The following B3GALT1 variants were observed in gnomAD, a reference collection of about 807,000 sequenced individuals.
The protein encoded by B3GALT1 is beta-1,3-galactosyltransferase 1.
In B3GALT1, 10 loss-of-function variants were observed where a neutral mutation model predicts 23.2. That is an observed-to-expected ratio of 0.43 (90% confidence interval 0.27 to 0.73). The LOEUF is 0.73. Ranked by LOEUF, B3GALT1 falls within the 30% of genes least tolerant of loss-of-function variation. The probability of loss-of-function intolerance (pLI) is 0.21; values close to 1 mark genes in which losing one functional copy is unlikely to be tolerated. For synonymous variants in B3GALT1, 156 were observed against 141.5 expected (o/e 1.10, Z -0.73); for missense variants, 299 against 405.4 (o/e 0.74, Z 2.25).
At chr2:167,504,167 C>T (rs1474577536) in intron 2 of B3GALT1, among the ~76,000 whole-genome samples, 1 of 336 alleles carries the variant, frequency 3.0e-3, no homozygotes, top group Non-Finnish European at 6.1e-3. Context: ...AGAAGGTATA[C>T]TTGATCACAT....
chr2:167,297,763 C>T (rs947368728), intron 1 of B3GALT1, among the ~76,000 whole-genome samples: 7 of 151,970 alleles, frequency 4.6e-5, no homozygotes, highest in Admixed American at 2.0e-4. Flanking sequence ...AACCAGTTTG[C>T]GAACAATATT....
At chr2:167,772,203 G>A (rs904150216) in intron 3 of B3GALT1, among the ~76,000 whole-genome samples, 1 of 152,252 alleles carries the variant, frequency 6.6e-6, no homozygotes, top group South Asian at 2.1e-4. Context: ...AGCACAGGCC[G>A]ATTTAATGTC....
At chr2:167,675,057 G>A (rs945194024) in intron 3 of B3GALT1, among the ~76,000 whole-genome samples, 1 of 152,120 alleles carries the variant, frequency 6.6e-6, no homozygotes, top group African/African-American at 2.4e-5. Context: ...CTGTGGTCTG[G>A]ACTTCCCAGA....
At chr2:167,363,663 G>A (rs921252850) in intron 1 of B3GALT1, among the ~76,000 whole-genome samples, 2 of 151,914 alleles carry the variant, frequency 1.3e-5, no homozygotes, top group African/African-American at 4.8e-5. Context: ...TTTCCCACCC[G>A]TACTCTTGAA....
At chr2:167,574,210 G>A (rs1684345833) in intron 2 of B3GALT1, among the ~76,000 whole-genome samples, 1 of 151,618 alleles carries the variant, frequency 6.6e-6, no homozygotes, top group South Asian at 2.1e-4. Flanking sequence ...AAGGGCATTT[G>A]CATTCAAATG....
chr2:167,585,734 T>C (rs1684574715), intron 2 of B3GALT1, among the ~76,000 whole-genome samples: 1 of 152,166 alleles, frequency 6.6e-6, no homozygotes. Context: ...TAAGAACTCA[T>C]TAACACATTC....
At chr2:167,311,167 A>G (rs191640932) in intron 1 of B3GALT1, among the ~76,000 whole-genome samples, 66 of 152,160 alleles carry the variant, frequency 4.3e-4, no homozygotes, top group Admixed American at 9.2e-4. Flanking sequence ...CTGACATGCA[A>G]GTATTGAGAG....
intron 3 of B3GALT1, among the ~76,000 whole-genome samples, chr2:167,703,647 G>A (rs548982610): frequency 3.9e-5 from 6 of 152,248 alleles, no homozygotes; most frequent in South Asian, 2.1e-4. Flanking sequence ...AAGCAGAAAC[G>A]CTTGGTCACT....
intron 1 of B3GALT1, among the ~76,000 whole-genome samples, chr2:167,486,329 A>G: frequency 6.7e-6 from 1 of 149,790 alleles, no homozygotes; most frequent in African/African-American, 2.5e-5. Context: ...ACTGCACTCC[A>G]GCCTTGTGAC....
chr2:167,562,021 C>T (rs577563813), intron 2 of B3GALT1, among the ~76,000 whole-genome samples: 36 of 152,304 alleles, frequency 2.4e-4, no homozygotes, highest in African/African-American at 8.4e-4. Context: ...AATTTTAGAC[C>T]AATATCCTTG....
chr2:167,803,393 T>A (rs1688678991), intron 3 of B3GALT1, among the ~76,000 whole-genome samples: 3 of 152,218 alleles, frequency 2.0e-5, no homozygotes, highest in Non-Finnish European at 4.4e-5. Context: ...TATACATAAA[T>A]TGATCATTAC....
intron 3 of B3GALT1, among the ~76,000 whole-genome samples, chr2:167,793,168 C>T (rs1313188100): frequency 1.3e-5 from 2 of 152,172 alleles, no homozygotes; most frequent in East Asian, 1.9e-4. Flanking sequence ...TCTTTTCACT[C>T]TCCATGCTGC....
intron 2 of B3GALT1, among the ~76,000 whole-genome samples, chr2:167,570,691 A>G (rs1224765239): frequency 6.6e-6 from 1 of 151,854 alleles, no homozygotes; most frequent in Admixed American, 6.6e-5. Context: ...CATGTCCTTT[A>G]GTTTTTTTCT....
At chr2:167,715,892 A>G (rs1687134627) in intron 3 of B3GALT1, 1 of 1,613,726 alleles carries the variant, frequency 6.2e-7, no homozygotes, top group Admixed American at 1.7e-5. Context: ...TTCTCCACAA[A>G]AAAAGGAGAA....
Position 167,338,001 on chromosome 2 carries a change from T to C in B3GALT1, c.-511+44667T>C, listed in dbSNP as rs542635754. 9.9e-5 allele frequency among the ~76,000 whole-genome samples: 15 copies of C among 152,204 alleles called. No individual in the cohort carries two copies. The South Asian group carries it at 3.1e-3, about 32-fold the overall frequency. On this transcript the variant is annotated intron_variant, in intron 1 of 4. Coordinates refer to ENST00000392690, the MANE Select transcript of B3GALT1 (RefSeq NM_020981.4). ...CTCTGAAAACCAAGTGGTGAATGGG[T>C]CTAGAAATTCCATTACATTCTTCTG...
chr2:167,810,732 C>G (rs1470039540), intron 3 of B3GALT1, among the ~76,000 whole-genome samples: 1 of 144,842 alleles, frequency 6.9e-6, no homozygotes, highest in Non-Finnish European at 1.5e-5. Context: ...CACACAGACC[C>G]AAAGGCAGCT....
At chr2:167,769,422 A>G (rs1269484832) in intron 3 of B3GALT1, among the ~76,000 whole-genome samples, 1 of 152,178 alleles carries the variant, frequency 6.6e-6, no homozygotes, top group Admixed American at 6.5e-5. Flanking sequence ...TTTTTGAAGT[A>G]TATGTACAGT....
chr2:167,721,723 T>C (rs1574230730), intron 3 of B3GALT1, among the ~76,000 whole-genome samples: 1 of 152,196 alleles, frequency 6.6e-6, no homozygotes, highest in East Asian at 1.9e-4. Context: ...CTTGGGGACC[T>C]GACTGTGGCT....
rs1690324339 is a variant in B3GALT1 at position 167,870,514 on chromosome 2, C to G, written c.*494C>G. 6.0e-6 allele frequency: 1 copy of G among 167,308 alleles called. No individual in the cohort carries two copies. Among genetic ancestry groups the G allele is most frequent in the African/African-American group, 2.4e-5 (1 of 41,394 alleles). 10.4% of individuals were successfully genotyped at this position (167,308 alleles called of 1,614,324 possible). A position where few individuals can be genotyped will look rare whatever the true frequency, so the allele number is the denominator to read the frequency against. On this transcript the variant is annotated 3_prime_UTR_variant, in exon 5 of 5. Coordinates refer to ENST00000392690, the MANE Select transcript of B3GALT1 (RefSeq NM_020981.4). ...TATATTCCCATGTAATGTGTACAGT[C>G]TTTGCAGTTCCACCAAGAAATGAAC...
Sources: allele counts gnomAD v4.1 joint callset (sites outside exome capture counted in the v4.1 genomes callset), GRCh38; gene constraint gnomAD v4.1.1; transcripts MANE v1.5; gene names NCBI Gene and HGNC (gene_info 2026-07-23, HGNC 2026-07-21).